The following CES5A variants were observed in gnomAD, a reference collection of about 807,000 sequenced individuals.
The protein encoded by CES5A is carboxylesterase 5.
A neutral mutation model predicts 62.9 loss-of-function variants in CES5A; 67 were observed. The observed-to-expected ratio is 1.07, with a 90% CI of 0.88 to 1.31. CES5A has a LOEUF of 1.31. CES5A is among the 50% of genes most tolerant of loss of function. The probability of loss-of-function intolerance (pLI) is 0.00; values close to 1 mark genes in which losing one functional copy is unlikely to be tolerated. For missense variants in CES5A, 748 were observed against 708.5 expected (o/e 1.06, Z -0.63); for synonymous variants, 296 against 280.8 (o/e 1.05, Z -0.54).
chr16:55,929,143 C>A (rs957801005), upstream of CES5A, among the ~76,000 whole-genome samples: 2 of 152,258 alleles, frequency 1.3e-5, no homozygotes, highest in South Asian at 4.2e-4. Context: ...TGGAGGTGAG[C>A]GGGTCACGTG....
chr16:55,868,572 C>A (rs1215747268), intron 4 of CES5A, among the ~76,000 whole-genome samples: 3 of 152,204 alleles, frequency 2.0e-5, no homozygotes, highest in Non-Finnish European at 4.4e-5. Flanking sequence ...GGAGAATTAA[C>A]CATGTCCTTC....
chr16:55,886,639 G>A (rs573030352), intron 1 of CES5A, among the ~76,000 whole-genome samples: 5 of 152,258 alleles, frequency 3.3e-5, no homozygotes, highest in Admixed American at 1.3e-4. Flanking sequence ...CCTCACCATA[G>A]CACTATCCTA....
intron 1 of CES5A, among the ~76,000 whole-genome samples, chr16:55,890,191 A>G (rs767111017): frequency 3.9e-5 from 6 of 152,106 alleles, no homozygotes; most frequent in Non-Finnish European, 8.8e-5. Context: ...AAGGCAAAAG[A>G]AAGGCAGAAA....
At chr16:55,893,038 C>T (rs978450522) in intron 1 of CES5A, among the ~76,000 whole-genome samples, 2 of 152,128 alleles carry the variant, frequency 1.3e-5, no homozygotes, top group Non-Finnish European at 2.9e-5. Context: ...CAAATACAGC[C>T]TTCTGGTCCC....
At chr16:55,886,181 T>G (rs1402235404) in intron 1 of CES5A, among the ~76,000 whole-genome samples, 4 of 152,180 alleles carry the variant, frequency 2.6e-5, no homozygotes, top group Non-Finnish European at 1.5e-5. Context: ...GAGAAAAACA[T>G]CCTCCTGGTG....
chr16:55,846,633 CAGT>C lies in CES5A; in HGVS notation c.1543_1545del (p.Thr515del), dbSNP rs746504097. 4.3e-6 allele frequency: 7 copies of C among 1,614,096 alleles called. No homozygotes were observed. The highest frequency in any genetic ancestry group is 5.9e-6 in the Non-Finnish European group (7 of 1,180,020). The stretch of plus-strand genomic sequence containing the variant: ...TTCAAGTCCAGCTGGAGGTACTGCT[CAGT>C]CAGATTATAAGCTGGCCACAGAGAC... On this transcript the variant is annotated inframe_deletion, in exon 13 of 13. Coordinates refer to ENST00000290567, the MANE Select transcript of CES5A (RefSeq NM_001143685.2).
chr16:55,938,797 TAC>T (rs1205048784), intron 2 of CES5A, among the ~76,000 whole-genome samples: 4,233 of 50,940 alleles, frequency 0.083, 133 homozygotes, highest in Middle Eastern at 0.14. Flanking sequence ...TATATATATA[TAC>T]ACACATATAT....
In CES5A at chr16:55,871,757, G is replaced by C; in HGVS notation, c.285C>G (p.Leu95=). The change falls in exon 3 of 13, where the codon CTC becomes CTG. Residue 95 remains leucine, a synonymous_variant. Coordinates refer to ENST00000290567, the MANE Select transcript of CES5A (RefSeq NM_001143685.2). ...CTAAGAGCAGCCACTCTGAGTTCTG[G>C]AGGCACCTTGGAGAAGGAGAGGAGA... ...REATSYPNLC[L]QNSEWLLLDQ... 1.9e-6 allele frequency: 3 copies of C among 1,613,908 alleles called. No homozygotes were observed. Among genetic ancestry groups the C allele is most frequent in the South Asian group, 1.1e-5 (1 of 91,040 alleles).
intron 1 of CES5A, among the ~76,000 whole-genome samples, chr16:55,913,149 G>A (rs768031941): frequency 9.2e-5 from 14 of 152,200 alleles, no homozygotes; most frequent in Non-Finnish European, 1.9e-4. Flanking sequence ...GCAGGTAGAA[G>A]CTTGGGAAGT....
At chr16:55,937,554 G>A (rs2142475117) in intron 2 of CES5A, among the ~76,000 whole-genome samples, 1 of 152,334 alleles carries the variant, frequency 6.6e-6, no homozygotes, top group Non-Finnish European at 1.5e-5. Flanking sequence ...AAAAAACATG[G>A]GGATGGGGAC....
At chr16:55,873,037 A>G (rs2142414251) in intron 2 of CES5A, among the ~76,000 whole-genome samples, 1 of 152,324 alleles carries the variant, frequency 6.6e-6, no homozygotes, top group African/African-American at 2.4e-5. Context: ...ACATGGGGTC[A>G]TCTTCTGTGG....
chr16:55,897,041 C>T (rs1597139816), intron 1 of CES5A, among the ~76,000 whole-genome samples: 1 of 152,052 alleles, frequency 6.6e-6, no homozygotes, highest in African/African-American at 2.4e-5. Context: ...TAAACTAACC[C>T]TCATTCCCCC....
chr16:55,915,668 C>A (rs551009263), intron 1 of CES5A, among the ~76,000 whole-genome samples: 2 of 152,122 alleles, frequency 1.3e-5, no homozygotes, highest in Non-Finnish European at 2.9e-5. Flanking sequence ...CTCCCCCAGG[C>A]GACCTTGGGC....
At chr16:55,950,745 G>GA (rs1244825071) in intron 1 of CES5A, among the ~76,000 whole-genome samples, 1 of 151,682 alleles carries the variant, frequency 6.6e-6, no homozygotes, top group South Asian at 2.1e-4. Flanking sequence ...TCTTTAGATT[G>GA]AAAAAAAAGA....
intron 1 of CES5A, among the ~76,000 whole-genome samples, chr16:55,914,791 A>G (rs867505827): frequency 6.6e-6 from 1 of 152,294 alleles, no homozygotes; most frequent in Middle Eastern, 3.4e-3. Flanking sequence ...TGGAACAGAA[A>G]AAGGACACTA....
intron 2 of CES5A, among the ~76,000 whole-genome samples, chr16:55,945,706 T>C (rs141689725): frequency 2.6e-4 from 39 of 152,366 alleles, no homozygotes; most frequent in Non-Finnish European, 4.4e-4. Flanking sequence ...TATGGAATTC[T>C]GGACTCCACG....
chr16:55,910,219 GCA>G (rs1386294890), intron 1 of CES5A, among the ~76,000 whole-genome samples: 1 of 152,128 alleles, frequency 6.6e-6, no homozygotes, highest in East Asian at 1.9e-4. Context: ...TCTTCTAAGT[GCA>G]CCATGCAGCC....
chr16:55,921,951 T>C (rs370470562), intron 1 of CES5A, among the ~76,000 whole-genome samples: 171 of 152,136 alleles, frequency 1.1e-3, no homozygotes, highest in African/African-American at 4.0e-3. Flanking sequence ...TGATCTAAGA[T>C]AAGTTATCAT....
intron 2 of CES5A, among the ~76,000 whole-genome samples, chr16:55,940,363 G>A (rs1203513996): frequency 7.9e-5 from 12 of 151,896 alleles, no homozygotes; most frequent in African/African-American, 2.9e-4. Context: ...ATCACTACAG[G>A]TCCTGTGGCC....
Sources: allele counts gnomAD v4.1 joint callset (sites outside exome capture counted in the v4.1 genomes callset), GRCh38; gene constraint gnomAD v4.1.1; transcripts MANE v1.5; gene names NCBI Gene and HGNC (gene_info 2026-07-23, HGNC 2026-07-21).